C1orf21: variants seen among roughly 807,000 people sequenced by gnomAD.
C1orf21 encodes chromosome 1 open reading frame 21, also known as uncharacterized protein C1orf21.
C1orf21 carries 3 observed loss-of-function variants against 18.7 expected under a neutral mutation model. The ratio of observed to expected loss-of-function variants is 0.16; its 90% CI spans 0.07 to 0.42. The LOEUF (loss-of-function observed/expected upper bound fraction) is 0.42. Among genes scored for constraint, C1orf21 ranks in the 10% least tolerant of loss-of-function variants. The pLI is 0.99. For missense variants in C1orf21, 104 were observed against 143.6 expected (o/e 0.72, Z 1.41); for synonymous variants, 41 against 46.4 (o/e 0.88, Z 0.47).
At chr1:184,554,227 G>A (rs34072105) in intron 3 of C1orf21, among the ~76,000 whole-genome samples, 8,272 of 152,242 alleles carry the variant, frequency 0.054, 304 homozygotes, top group Non-Finnish European at 0.069. Context: ...CTTGATACCA[G>A]TAATTTGTAA....
chr1:184,518,035 A>T (rs1049964199), intron 3 of C1orf21, among the ~76,000 whole-genome samples: 1 of 152,168 alleles, frequency 6.6e-6, no homozygotes, highest in Non-Finnish European at 1.5e-5. Flanking sequence ...TGTGGCATAG[A>T]AGGTATAAGA....
chr1:184,587,606 A>T (rs1240465338), intron 3 of C1orf21, among the ~76,000 whole-genome samples: 1 of 146,182 alleles, frequency 6.8e-6, no homozygotes. Context: ...AGCTCTTGGC[A>T]TGACTGTTGT....
At chr1:184,614,956 G>A (rs1659798875) in intron 5 of C1orf21, among the ~76,000 whole-genome samples, 1 of 152,152 alleles carries the variant, frequency 6.6e-6, no homozygotes, top group African/African-American at 2.4e-5. Context: ...CCATGGCTTG[G>A]GGACTAGGGA....
At chr1:184,610,733 A>C (rs1347390949) in intron 5 of C1orf21, among the ~76,000 whole-genome samples, 2 of 151,782 alleles carry the variant, frequency 1.3e-5, no homozygotes, top group Non-Finnish European at 2.9e-5. Flanking sequence ...CTGTAGTCCC[A>C]GGTACTCGGG....
At chr1:184,395,982 C>G (rs1459689164) in intron 1 of C1orf21, among the ~76,000 whole-genome samples, 1 of 152,116 alleles carries the variant, frequency 6.6e-6, no homozygotes, top group Non-Finnish European at 1.5e-5. Flanking sequence ...GACCAATTCT[C>G]TTACTGGCAT....
intron 1 of C1orf21, among the ~76,000 whole-genome samples, chr1:184,425,010 G>T (rs1330302774): frequency 6.6e-6 from 1 of 152,136 alleles, no homozygotes; most frequent in Non-Finnish European, 1.5e-5. Context: ...AACTTAGGTG[G>T]AGGTCTTTAA....
At chr1:184,418,834 A>G (rs185943872) in intron 1 of C1orf21, among the ~76,000 whole-genome samples, 9 of 152,328 alleles carry the variant, frequency 5.9e-5, no homozygotes, top group South Asian at 2.1e-4. Context: ...TGTTGAATTT[A>G]GTAGCTCATG....
intron 1 of C1orf21, among the ~76,000 whole-genome samples, chr1:184,465,916 T>A (rs1323901987): frequency 6.6e-6 from 1 of 152,212 alleles, no homozygotes; most frequent in Non-Finnish European, 1.5e-5. Context: ...CACGAGGCGC[T>A]GGCTGATGCA....
intron 1 of C1orf21, among the ~76,000 whole-genome samples, chr1:184,431,607 A>G (rs1656765499): frequency 6.6e-6 from 1 of 152,224 alleles, no homozygotes; most frequent in Non-Finnish European, 1.5e-5. Context: ...ACAAAAGCCA[A>G]AATTGACAAA....
chr1:184,572,363 A>G lies in C1orf21; in HGVS notation c.190-18376A>G, dbSNP rs190365254. Among the ~76,000 whole-genome samples, 3 of 152,308 alleles carry G rather than the reference A, an allele frequency of 2.0e-5. No homozygotes were observed. The East Asian group carries it at 5.8e-4, about 29-fold the overall frequency. On this transcript the variant is annotated intron_variant, in intron 3 of 5. Transcript: ENST00000235307. ...AGGAAGAGGGAGCGAGGGAGCGAGA[A>G]CATGCATATAGGTAAATGGACCAGT...
intron 3 of C1orf21, among the ~76,000 whole-genome samples, chr1:184,553,547 T>C (rs1658840828): frequency 6.6e-6 from 1 of 152,226 alleles, no homozygotes; most frequent in Non-Finnish European, 1.5e-5. Flanking sequence ...AGTGAATGGT[T>C]GGCTCTTTGG....
At chr1:184,530,316 A>T (rs1275804511) in intron 3 of C1orf21, among the ~76,000 whole-genome samples, 1 of 152,076 alleles carries the variant, frequency 6.6e-6, no homozygotes, top group East Asian at 1.9e-4. Flanking sequence ...TGGAGACAAT[A>T]ATGGCACCCA....
chr1:184,522,116 C>G (rs1285255155), intron 3 of C1orf21, among the ~76,000 whole-genome samples: 4 of 151,824 alleles, frequency 2.6e-5, no homozygotes, highest in African/African-American at 9.7e-5. Context: ...GATCCTGTGG[C>G]AATAGATTAG....
chr1:184,568,590 A>G (rs1221128413), intron 3 of C1orf21: 4 of 338,472 alleles, frequency 1.2e-5, no homozygotes, highest in Middle Eastern at 7.2e-4. Context: ...GATGCATGTT[A>G]AGCTCTTTTT....
intron 3 of C1orf21, among the ~76,000 whole-genome samples, chr1:184,549,998 G>A (rs1310568764): frequency 2.6e-5 from 4 of 152,112 alleles, no homozygotes; most frequent in African/African-American, 9.7e-5. Context: ...TGAGATATCA[G>A]CACTTAATTT....
chr1:184,479,385 T>G (rs1277976234), intron 2 of C1orf21, among the ~76,000 whole-genome samples: 1 of 152,232 alleles, frequency 6.6e-6, no homozygotes, highest in African/African-American at 2.4e-5. Flanking sequence ...GCCGTCACCA[T>G]GTGTCAAACA....
intron 1 of C1orf21, among the ~76,000 whole-genome samples, chr1:184,421,262 A>T (rs1468069013): frequency 6.6e-6 from 1 of 151,970 alleles, no homozygotes; most frequent in Non-Finnish European, 1.5e-5. Flanking sequence ...ATGCCACCAT[A>T]CCCAGCTAAT....
chr1:184,423,367 G>A (rs1391356265), intron 1 of C1orf21, among the ~76,000 whole-genome samples: 1 of 152,292 alleles, frequency 6.6e-6, no homozygotes, highest in Non-Finnish European at 1.5e-5. Flanking sequence ...CATGATGGAG[G>A]ATATATCCAA....
chr1:184,513,197 G>A (rs1183630736), intron 3 of C1orf21, among the ~76,000 whole-genome samples: 1 of 152,206 alleles, frequency 6.6e-6, no homozygotes, highest in Non-Finnish European at 1.5e-5. Flanking sequence ...AAGAAATTAT[G>A]TGAGAATATG....
Sources: gnomAD v4.1 joint callset for allele counts (sites outside exome capture counted in the v4.1 genomes callset) on GRCh38, gnomAD v4.1.1 for gene constraint, MANE v1.5 for transcripts, NCBI Gene and HGNC (gene_info 2026-07-23, HGNC 2026-07-21) for gene names.